ESRRG: variants seen among roughly 807,000 people sequenced by gnomAD.
ESRRG encodes the protein estrogen-related receptor gamma.
A neutral mutation model predicts 44.0 loss-of-function variants in ESRRG; 13 were observed. That is an observed-to-expected ratio of 0.30 (90% CI 0.19 to 0.47). The LOEUF is 0.47. Among genes scored for constraint, ESRRG ranks in the 20% least tolerant of loss-of-function variants. The pLI is 1.00. For synonymous variants in ESRRG, 215 were observed against 214.6 expected (o/e 1.00, Z -0.02); for missense variants, 395 against 580.6 (o/e 0.68, Z 3.29).
At chr1:216,843,177 T>C (rs1474412513) in intron 2 of ESRRG, among the ~76,000 whole-genome samples, 1 of 151,814 alleles carries the variant, frequency 6.6e-6, no homozygotes, top group Non-Finnish European at 1.5e-5. Flanking sequence ...ATCTTTACAA[T>C]ACTGTCCCAA....
intron 5 of ESRRG, among the ~76,000 whole-genome samples, chr1:216,542,856 C>G (rs1402039661): frequency 6.6e-6 from 1 of 151,900 alleles, no homozygotes; most frequent in South Asian, 2.1e-4. Flanking sequence ...TTGCTGGGGA[C>G]TGGTTTTAAT....
chr1:216,873,812 CATT>C (rs2096295584), intron 2 of ESRRG, among the ~76,000 whole-genome samples: 1 of 145,896 alleles, frequency 6.9e-6, no homozygotes, highest in Non-Finnish European at 1.5e-5. Flanking sequence ...CTGTTGCCAT[CATT>C]GTTAGCACTT....
intron 6 of ESRRG, among the ~76,000 whole-genome samples, chr1:216,518,741 A>G (rs2045161134): frequency 6.6e-6 from 1 of 152,218 alleles, no homozygotes; most frequent in Non-Finnish European, 1.5e-5. Flanking sequence ...GCAACACTAA[A>G]TATATTTTCC....
intron 1 of ESRRG, among the ~76,000 whole-genome samples, chr1:217,127,142 A>G (rs2092903072): frequency 6.6e-6 from 1 of 152,200 alleles, no homozygotes. Flanking sequence ...CTGATTTTAA[A>G]CACTTAATTG....
At chr1:216,550,634 C>T (rs936796567) in intron 5 of ESRRG, among the ~76,000 whole-genome samples, 1 of 151,832 alleles carries the variant, frequency 6.6e-6, no homozygotes, top group African/African-American at 2.4e-5. Flanking sequence ...GTGCTGTTGC[C>T]GGAGAGAACA....
At chr1:216,554,839 GA>G (rs1465839031) in intron 5 of ESRRG, among the ~76,000 whole-genome samples, 1 of 152,124 alleles carries the variant, frequency 6.6e-6, no homozygotes, top group Non-Finnish European at 1.5e-5. Flanking sequence ...TCATCAACAA[GA>G]AAGAGGGAAA....
At chr1:217,120,606 T>C (rs557856178) in intron 1 of ESRRG, among the ~76,000 whole-genome samples, 1 of 152,162 alleles carries the variant, frequency 6.6e-6, no homozygotes, top group Non-Finnish European at 1.5e-5. Flanking sequence ...CCTTATCCTG[T>C]ACCTCACTCT....
At chr1:216,663,063 GA>G (rs2151263824) in intron 2 of ESRRG, among the ~76,000 whole-genome samples, 1 of 152,250 alleles carries the variant, frequency 6.6e-6, no homozygotes, top group South Asian at 2.1e-4. Context: ...ACTTTTTAAA[GA>G]AATCTTTGTA....
intron 1 of ESRRG, among the ~76,000 whole-genome samples, chr1:217,050,709 A>T (rs2085794439): frequency 6.6e-6 from 1 of 152,134 alleles, no homozygotes; most frequent in Non-Finnish European, 1.5e-5. Flanking sequence ...TCTCTTAGCC[A>T]CTGCCTTTTC....
rs1336047333 is a variant in ESRRG at position 216,873,223 on chromosome 1, T to TTTTTC, written c.-14+66358_-14+66359insGAAAA. Among the ~76,000 whole-genome samples, 8 of 148,428 alleles carry TTTTTC rather than the reference T, an allele frequency of 5.4e-5. 1 individual carries two copies. The highest frequency in any genetic ancestry group is 2.0e-4 in the African/African-American group (8 of 39,884). On this transcript the variant is annotated intron_variant, in intron 2 of 7. Transcript: ENST00000359162. ...ACATCTTTTCAGTTTTTTTTTTTTT[T>TTTTTC]TTTTTTTGACAGAGTTTCACTGTTG...
At chr1:217,044,184 T>TC (rs1377388521) in intron 1 of ESRRG, among the ~76,000 whole-genome samples, 3 of 152,150 alleles carry the variant, frequency 2.0e-5, no homozygotes, top group African/African-American at 7.2e-5. Flanking sequence ...GGATGTACAA[T>TC]AGATCATTCT....
rs891618314 is a variant in ESRRG at position 216,677,585 on chromosome 1, T to TAGAGAA, written c.57-100_57-95dup. ...TAGAAACAAAAGAGATGGTGAAAAA[T>TAGAGAA]AGAGAAAGGGAAAGGGAAAGGTAAA... On this transcript the variant is annotated intron_variant, in intron 1 of 6. Transcript: ENST00000408911. 1.7e-5 allele frequency: 18 copies of TAGAGAA among 1,080,294 alleles called. No individual in the cohort carries two copies. The Admixed American group carries it at 4.6e-4, about 28-fold the overall frequency. The allele number at this position is 1,080,294 out of a possible 1,614,324, so 66.9% of individuals were successfully genotyped here.
chr1:217,097,542 C>T (rs1227011603), intron 1 of ESRRG, among the ~76,000 whole-genome samples: 2 of 152,186 alleles, frequency 1.3e-5, no homozygotes, highest in East Asian at 1.9e-4. Flanking sequence ...AGGAGGGCTG[C>T]ACAACCGAAT....
intron 1 of ESRRG, among the ~76,000 whole-genome samples, chr1:217,129,313 G>A (rs990772281): frequency 5.3e-5 from 8 of 152,290 alleles, no homozygotes; most frequent in Admixed American, 4.6e-4. Context: ...CACTAGTATG[G>A]CTATCAGAAA....
chr1:216,822,548 T>C (rs2148634837), intron 2 of ESRRG, among the ~76,000 whole-genome samples: 1 of 152,134 alleles, frequency 6.6e-6, no homozygotes, highest in Admixed American at 6.5e-5. Flanking sequence ...CCAGTCCTCC[T>C]CTCCAAGGCA....
chr1:216,508,081 G>A (rs952441868), intron 6 of ESRRG, among the ~76,000 whole-genome samples: 35 of 152,112 alleles, frequency 2.3e-4, no homozygotes, highest in African/African-American at 8.0e-4. Flanking sequence ...GGAGTCTTTG[G>A]GGGATTCTTC....
chr1:216,807,352 GAT>G (rs2094828392), intron 2 of ESRRG, among the ~76,000 whole-genome samples: 1 of 152,112 alleles, frequency 6.6e-6, no homozygotes, highest in Non-Finnish European at 1.5e-5. Flanking sequence ...GTTCAGGTCT[GAT>G]AGTCATATTA....
Position 216,608,172 on chromosome 1 carries a change from A to G in ESRRG, c.590-40074T>C, listed in dbSNP as rs186206329. 1.1e-3 allele frequency among the ~76,000 whole-genome samples: 162 copies of G among 152,334 alleles called. 1 individual carries two copies. The highest frequency in any genetic ancestry group is 3.7e-3 in the African/African-American group (154 of 41,588). ...CAATCTTTAATTAGTATCACTGATG[A>G]AATATTTATTCTTTTAATTTGAATT... On this transcript the variant is annotated intron_variant, in intron 3 of 6. Transcript: ENST00000408911.
chr1:217,108,417 A>G (rs2092623614), intron 1 of ESRRG, among the ~76,000 whole-genome samples: 1 of 152,014 alleles, frequency 6.6e-6, no homozygotes, highest in Admixed American at 6.6e-5. Context: ...CCTTGCCCCC[A>G]TTAGTCCATA....
Sources: allele counts gnomAD v4.1 joint callset (sites outside exome capture counted in the v4.1 genomes callset), GRCh38; gene constraint gnomAD v4.1.1; transcripts MANE v1.5; gene names NCBI Gene and HGNC (gene_info 2026-07-23, HGNC 2026-07-21).